Variants in KHDRBS3 observed in about 807,000 individuals in gnomAD.
The protein encoded by KHDRBS3 is KH domain-containing, RNA-binding, signal transduction-associated protein 3.
In KHDRBS3, 23 loss-of-function variants were observed where a neutral mutation model predicts 45.6. That is an observed-to-expected ratio of 0.50 (90% CI 0.36 to 0.72). The LOEUF is 0.72. Among genes scored for constraint, KHDRBS3 ranks in the 30% least tolerant of loss-of-function variants. The probability of loss-of-function intolerance (pLI) is 0.00; values close to 1 mark genes in which losing one functional copy is unlikely to be tolerated. For missense variants in KHDRBS3, 352 were observed against 424.8 expected (o/e 0.83, Z 1.51); for synonymous variants, 162 against 156.5 (o/e 1.04, Z -0.26).
intron 6 of KHDRBS3, among the ~76,000 whole-genome samples, chr8:135,591,340 C>G (rs1828733745): frequency 6.6e-6 from 1 of 152,190 alleles, no homozygotes; most frequent in Non-Finnish European, 1.5e-5. Flanking sequence ...TTGGTTTTAC[C>G]AATCCTTCTG....
At chr8:135,603,327 A>G (rs1829302572) in intron 6 of KHDRBS3, among the ~76,000 whole-genome samples, 1 of 152,212 alleles carries the variant, frequency 6.6e-6, no homozygotes, top group Non-Finnish European at 1.5e-5. Flanking sequence ...TTTTCCTTCC[A>G]TTAGGAGCCT....
intron 1 of KHDRBS3, among the ~76,000 whole-genome samples, chr8:135,486,329 A>G (rs1822861880): frequency 1.3e-5 from 2 of 152,226 alleles, no homozygotes; most frequent in African/African-American, 2.4e-5. Flanking sequence ...GAAAATAGCA[A>G]ACATTTTGGA....
At chr8:135,568,212 A>C (rs926216416) in intron 5 of KHDRBS3, among the ~76,000 whole-genome samples, 3 of 152,220 alleles carry the variant, frequency 2.0e-5, no homozygotes, top group Non-Finnish European at 4.4e-5. Flanking sequence ...ATTTTCTTTA[A>C]AATTTTCAAA....
At chr8:135,636,314 A>G (rs1311318279) in intron 7 of KHDRBS3, among the ~76,000 whole-genome samples, 2 of 152,194 alleles carry the variant, frequency 1.3e-5, no homozygotes, top group Non-Finnish European at 2.9e-5. Flanking sequence ...AGATTTAATA[A>G]AATTAGTAAA....
intron 7 of KHDRBS3, among the ~76,000 whole-genome samples, chr8:135,630,917 A>G (rs1269787957): frequency 6.6e-6 from 1 of 152,186 alleles, no homozygotes; most frequent in African/African-American, 2.4e-5. Flanking sequence ...TGTAGACTTC[A>G]TAGACATTGT....
At chr8:135,636,515 G>A (rs1830820035) in intron 7 of KHDRBS3, among the ~76,000 whole-genome samples, 1 of 152,170 alleles carries the variant, frequency 6.6e-6, no homozygotes, top group Non-Finnish European at 1.5e-5. Flanking sequence ...ATTTTGACTT[G>A]ATGAAACCCT....
At chr8:135,518,163 G>GA (rs1554621296) in intron 1 of KHDRBS3, among the ~76,000 whole-genome samples, 1 of 150,786 alleles carries the variant, frequency 6.6e-6, no homozygotes, top group Non-Finnish European at 1.5e-5. Flanking sequence ...AAACTACTTT[G>GA]TTTTTTTTTG....
chr8:135,539,151 C>G (rs866002319), intron 2 of KHDRBS3: 4 of 152,230 alleles, frequency 2.6e-5, no homozygotes, highest in Non-Finnish European at 5.9e-5. Flanking sequence ...TGATGCCTGA[C>G]ATAGGCCTTT....
chr8:135,613,646 A>G (rs919806371), intron 7 of KHDRBS3, among the ~76,000 whole-genome samples: 1 of 151,584 alleles, frequency 6.6e-6, no homozygotes, highest in East Asian at 1.9e-4. Context: ...GTTCTGGGAA[A>G]CCTGCAAGGA....
At chr8:135,592,831 A>G (rs1563792318) in intron 6 of KHDRBS3, among the ~76,000 whole-genome samples, 1 of 152,150 alleles carries the variant, frequency 6.6e-6, no homozygotes, top group African/African-American at 2.4e-5. Context: ...TAGGGAGAGC[A>G]AATTCTGGAA....
intron 1 of KHDRBS3, among the ~76,000 whole-genome samples, chr8:135,506,339 T>C (rs1179069222): frequency 6.6e-6 from 1 of 152,072 alleles, no homozygotes; most frequent in African/African-American, 2.4e-5. Flanking sequence ...ACTCTCAGGG[T>C]TGAAAGGAAC....
chr8:135,512,798 T>C (rs1824370958), intron 1 of KHDRBS3, among the ~76,000 whole-genome samples: 1 of 152,174 alleles, frequency 6.6e-6, no homozygotes, highest in Non-Finnish European at 1.5e-5. Context: ...GCACAGGAAG[T>C]GTGAACAATG....
chr8:135,490,201 C>T (rs1008368975), intron 1 of KHDRBS3, among the ~76,000 whole-genome samples: 4 of 152,166 alleles, frequency 2.6e-5, no homozygotes, highest in Non-Finnish European at 5.9e-5. Flanking sequence ...ATGCATTTCT[C>T]AGGACAGATC....
chr8:135,630,971 G>A (rs1318024213), intron 7 of KHDRBS3, among the ~76,000 whole-genome samples: 5 of 151,982 alleles, frequency 3.3e-5, no homozygotes, highest in Non-Finnish European at 7.4e-5. Context: ...TTTTTCGGCC[G>A]GGCGCGGTGG....
intron 4 of KHDRBS3, among the ~76,000 whole-genome samples, chr8:135,652,804 C>T (rs1338696265): frequency 1.3e-5 from 2 of 152,174 alleles, no homozygotes; most frequent in Non-Finnish European, 2.9e-5. Flanking sequence ...GTTTACCCTC[C>T]TTTCCTCCCA....
chr8:135,510,681 C>T (rs1265357463), intron 1 of KHDRBS3, among the ~76,000 whole-genome samples: 2 of 152,240 alleles, frequency 1.3e-5, no homozygotes, highest in Non-Finnish European at 2.9e-5. Context: ...GACCCACCCG[C>T]CTTGGCCTCC....
At chr8:135,650,441 A>G (rs1270588240), downstream of KHDRBS3, among the ~76,000 whole-genome samples, 1 of 152,224 alleles carries the variant, frequency 6.6e-6, no homozygotes, top group Non-Finnish European at 1.5e-5. Context: ...GTAAGTTGCC[A>G]TAAAAGCCAA....
intron 1 of KHDRBS3, among the ~76,000 whole-genome samples, chr8:135,517,373 C>T (rs1308804524): frequency 6.6e-6 from 1 of 152,060 alleles, no homozygotes; most frequent in Non-Finnish European, 1.5e-5. Flanking sequence ...AGGGTCACAT[C>T]CATCTTGGTG....
At chr8:135,489,900 C>A (rs112357499) in intron 1 of KHDRBS3, among the ~76,000 whole-genome samples, 8 of 152,236 alleles carry the variant, frequency 5.3e-5, no homozygotes, top group African/African-American at 1.9e-4. Context: ...GAGCAACTTC[C>A]GCTCCTACAA....
Sources: allele counts gnomAD v4.1 joint callset (sites outside exome capture counted in the v4.1 genomes callset), GRCh38; gene constraint gnomAD v4.1.1; transcripts MANE v1.5; gene names NCBI Gene and HGNC (gene_info 2026-07-23, HGNC 2026-07-21).